Variants in ANTXR1 observed in about 807,000 individuals in gnomAD.
ANTXR1 encodes anthrax toxin receptor 1.
ANTXR1 carries 19 observed loss-of-function variants against 78.1 expected under a neutral mutation model. The observed-to-expected ratio is 0.24, with a 90% CI of 0.17 to 0.36. ANTXR1 has a LOEUF of 0.36. ANTXR1 is among the 10% of genes least tolerant of loss of function. The pLI is 1.00. For missense variants in ANTXR1, 518 were observed against 718.6 expected, an observed-to-expected ratio of 0.72 and a Z score of 3.19; for synonymous variants, 273 against 260.5, an observed-to-expected ratio of 1.05 and a Z score of -0.46.
At chr2:69,031,946 C>CTGTGCAG (rs1338093338) in intron 1 of ANTXR1, among the ~76,000 whole-genome samples, 8 of 152,212 alleles carry the variant, frequency 5.3e-5, no homozygotes, top group African/African-American at 1.9e-4. Flanking sequence ...GGGTCACTTT[C>CTGTGCAG]TGTGCAGTTG....
chr2:69,227,885 A>G (rs928296874), intron 17 of ANTXR1, among the ~76,000 whole-genome samples: 2 of 152,238 alleles, frequency 1.3e-5, no homozygotes, highest in Non-Finnish European at 2.9e-5. Flanking sequence ...GCACCACACT[A>G]GGTCAAGCTC....
At chr2:69,047,608 C>T (rs1481196326) in intron 3 of ANTXR1, among the ~76,000 whole-genome samples, 1 of 151,954 alleles carries the variant, frequency 6.6e-6, no homozygotes, top group East Asian at 1.9e-4. Context: ...TTGTCTGTCA[C>T]CATATTTGGG....
intron 12 of ANTXR1, chr2:69,145,738 T>C: frequency 9.6e-7 from 1 of 1,039,124 alleles, no homozygotes; most frequent in Non-Finnish European, 1.2e-6. Context: ...CATTCTATCC[T>C]CCTCCCTTTC....
intron 14 of ANTXR1, 70 bp from the exon 15 acceptor site, chr2:69,181,716 T>C (rs757004341): frequency 7.0e-7 from 1 of 1,422,208 alleles, no homozygotes; most frequent in Non-Finnish European, 9.9e-7. Context: ...TCCTAATCAC[T>C]TGGCTGTAGT....
intron 3 of ANTXR1, among the ~76,000 whole-genome samples, chr2:69,069,265 A>G (rs1670495931): frequency 6.6e-6 from 1 of 152,216 alleles, no homozygotes; most frequent in South Asian, 2.1e-4. Context: ...TATTTATCAT[A>G]CTGATTAAGA....
At chr2:69,168,290 T>C (rs1220875902) in intron 13 of ANTXR1, among the ~76,000 whole-genome samples, 4 of 152,228 alleles carry the variant, frequency 2.6e-5, no homozygotes, top group Non-Finnish European at 5.9e-5. Context: ...CACTACCAGA[T>C]GCTTAACACA....
chr2:69,049,292 T>G (rs1669864445), intron 3 of ANTXR1, among the ~76,000 whole-genome samples: 1 of 152,078 alleles, frequency 6.6e-6, no homozygotes, highest in African/African-American at 2.4e-5. Context: ...ACAGGTTTTT[T>G]GTTGATTTCT....
At chr2:69,237,728 T>G (rs1480137184) in intron 17 of ANTXR1, among the ~76,000 whole-genome samples, 2 of 152,082 alleles carry the variant, frequency 1.3e-5, no homozygotes, top group Admixed American at 1.3e-4. Flanking sequence ...GCCAGAAAGA[T>G]AACTTTGAAT....
intron 3 of ANTXR1, among the ~76,000 whole-genome samples, chr2:69,061,162 T>C (rs561063723): frequency 2.0e-5 from 3 of 152,196 alleles, no homozygotes; most frequent in Non-Finnish European, 4.4e-5. Context: ...AACTGGAATA[T>C]TGATTGTTTA....
At chr2:69,064,140 G>T (rs186054330) in intron 3 of ANTXR1, among the ~76,000 whole-genome samples, 1 of 152,208 alleles carries the variant, frequency 6.6e-6, no homozygotes, top group Non-Finnish European at 1.5e-5. Flanking sequence ...TGTCACACTG[G>T]CTAAAGAAGC....
intron 12 of ANTXR1, among the ~76,000 whole-genome samples, chr2:69,149,387 C>G (rs1673325680): frequency 6.6e-6 from 1 of 152,180 alleles, no homozygotes; most frequent in Non-Finnish European, 1.5e-5. Context: ...AGCCCCCTCT[C>G]TCCCATTCTG....
At chr2:69,222,033 A>G (rs1261807895) in intron 17 of ANTXR1, among the ~76,000 whole-genome samples, 2 of 152,146 alleles carry the variant, frequency 1.3e-5, no homozygotes, top group African/African-American at 4.8e-5. Context: ...AGGAGGTGTG[A>G]GTGACTGGTC....
chr2:69,187,585 C>CTTTTTTT (rs58660678), intron 16 of ANTXR1, among the ~76,000 whole-genome samples: 2,079 of 94,844 alleles, frequency 0.022, 251 homozygotes, highest in African/African-American at 0.091. Flanking sequence ...TCATGTATTT[C>CTTTTTTT]TTTTTTTTTT....
At chr2:69,066,286 T>A (rs1036599113) in intron 3 of ANTXR1, among the ~76,000 whole-genome samples, 2 of 152,094 alleles carry the variant, frequency 1.3e-5, no homozygotes, top group African/African-American at 4.8e-5. Flanking sequence ...TCTTTTATTT[T>A]TTTTTCTTTC....
chr2:69,153,089 G>A (rs1013774469), intron 13 of ANTXR1, among the ~76,000 whole-genome samples: 2 of 152,202 alleles, frequency 1.3e-5, no homozygotes, highest in African/African-American at 4.8e-5. Context: ...ACAAATCAGT[G>A]TGTGCTGTGA....
chr2:69,173,370 A>C (rs1192431723), intron 14 of ANTXR1, among the ~76,000 whole-genome samples: 1 of 152,198 alleles, frequency 6.6e-6, no homozygotes, highest in Non-Finnish European at 1.5e-5. Flanking sequence ...TCCATCTTTC[A>C]GTTCCCAATA....
At chr2:69,197,105 T>A (rs1674682879) in intron 17 of ANTXR1, among the ~76,000 whole-genome samples, 1 of 152,186 alleles carries the variant, frequency 6.6e-6, no homozygotes, top group South Asian at 2.1e-4. Flanking sequence ...TCTCCCTCTT[T>A]TTGCCTGCGG....
At chr2:69,079,530 CCTAT>C (rs948917600) in intron 8 of ANTXR1, among the ~76,000 whole-genome samples, 4 of 151,878 alleles carry the variant, frequency 2.6e-5, no homozygotes, top group Admixed American at 1.3e-4. Flanking sequence ...AATAATAATA[CCTAT>C]CTATCTAGTG....
chr2:69,084,612 T>TG (rs1491025561), intron 8 of ANTXR1, among the ~76,000 whole-genome samples: 6 of 138,870 alleles, frequency 4.3e-5, no homozygotes, highest in Admixed American at 1.5e-4. Context: ...TTTTTTTTTT[T>TG]TAGAGATGGG....
Sources: gnomAD v4.1 joint callset for allele counts (sites outside exome capture counted in the v4.1 genomes callset) on GRCh38, gnomAD v4.1.1 for gene constraint, MANE v1.5 for transcripts, NCBI Gene and HGNC (gene_info 2026-07-23, HGNC 2026-07-21) for gene names.